Variants in DUSP10 observed in about 807,000 individuals in gnomAD.
DUSP10 encodes dual specificity protein phosphatase 10.
DUSP10 carries 14 observed loss-of-function variants against 30.8 expected under a neutral mutation model. That is an observed-to-expected ratio of 0.46 (90% CI 0.30 to 0.71). DUSP10 has a LOEUF of 0.71. DUSP10 is among the 30% of genes least tolerant of loss of function. The pLI, the probability that DUSP10 is intolerant of heterozygous loss-of-function variation, is 0.08. For missense variants in DUSP10, 550 were observed against 619.4 expected, an observed-to-expected ratio of 0.89 and a Z score of 1.19; for synonymous variants, 254 against 250.4, an observed-to-expected ratio of 1.01 and a Z score of -0.14.
chr1:221,725,871 A>C (rs1028774221), intron 2 of DUSP10, among the ~76,000 whole-genome samples: 3 of 152,192 alleles, frequency 2.0e-5, no homozygotes, highest in African/African-American at 7.2e-5. Context: ...CTACAGTGTA[A>C]AACTGGGAGT....
chr1:221,713,373 GTTCT>G (rs1241818600), intron 2 of DUSP10, among the ~76,000 whole-genome samples: 2 of 151,922 alleles, frequency 1.3e-5, no homozygotes, highest in African/African-American at 2.4e-5. Context: ...ATTATATTTA[GTTCT>G]TTATGTCTAC....
chr1:221,735,004 G>A (rs1377539930), intron 2 of DUSP10, among the ~76,000 whole-genome samples: 1 of 144,262 alleles, frequency 6.9e-6, no homozygotes, highest in Non-Finnish European at 1.5e-5. Context: ...GAACTCTATT[G>A]CCAATAAGAG....
intron 3 of DUSP10, 112 bp downstream of exon 3, chr1:221,705,983 C>T: frequency 6.8e-7 from 1 of 1,460,052 alleles, no homozygotes; most frequent in East Asian, 2.3e-5. Flanking sequence ...TCCAAAACTC[C>T]AGGGCAGCTT....
chr1:221,723,244 T>C (rs1269902887), intron 2 of DUSP10, among the ~76,000 whole-genome samples: 1 of 152,170 alleles, frequency 6.6e-6, no homozygotes, highest in Non-Finnish European at 1.5e-5. Context: ...ATCCTAGTGG[T>C]CAAAAGCAGT....
intron 2 of DUSP10, among the ~76,000 whole-genome samples, chr1:221,713,582 C>G (rs900427576): frequency 7.0e-6 from 1 of 143,084 alleles, no homozygotes; most frequent in African/African-American, 2.6e-5. Flanking sequence ...CAGTTTTTCT[C>G]AGAGTCATTC....
intron 2 of DUSP10, among the ~76,000 whole-genome samples, chr1:221,728,019 G>T (rs1362511827): frequency 6.6e-6 from 1 of 152,174 alleles, no homozygotes; most frequent in Non-Finnish European, 1.5e-5. Context: ...GACCATAATT[G>T]CATGGCCATT....
At chr1:221,719,327 A>G (rs1190673794) in intron 2 of DUSP10, among the ~76,000 whole-genome samples, 2 of 152,224 alleles carry the variant, frequency 1.3e-5, no homozygotes, top group Non-Finnish European at 2.9e-5. Flanking sequence ...CAACTTGCAG[A>G]AAGAAAAGGC....
Position 221,739,740 on chromosome 1 carries a change from G to A in DUSP10, c.5C>T (p.Pro2Leu). The A allele has an allele frequency of 6.4e-7, 1 of 1,572,540 alleles. No homozygotes were observed. The highest frequency in any genetic ancestry group is 8.6e-7 in the Non-Finnish European group (1 of 1,158,356). Reference sequence around the variant, plus strand: ...TACCCTGTCGTCTAAAGGAGACGGAGGCATGAGGAGGCTGAAAACTGGCAA... The same window carrying A: ...TACCCTGTCGTCTAAAGGAGACGGAAGCATGAGGAGGCTGAAAACTGGCAA... Reference protein sequence around the residue: MPPSPLDDRVVV... With the variant: MLPSPLDDRVVV... The change falls in exon 2 of 4, where the codon CCT becomes CTT. Residue 2 changes from proline to leucine, a missense_variant. By Grantham distance (98) the Pro-to-Leu change is moderately conservative. Coordinates refer to ENST00000366899, the MANE Select transcript of DUSP10 (RefSeq NM_007207.6).
intron 1 of DUSP10, among the ~76,000 whole-genome samples, chr1:221,740,799 T>C (rs990481306): frequency 6.6e-6 from 1 of 152,162 alleles, no homozygotes; most frequent in Non-Finnish European, 1.5e-5. Context: ...GGACAGTGAA[T>C]TGTTGCCCAC....
intron 2 of DUSP10, among the ~76,000 whole-genome samples, chr1:221,726,569 A>T (rs1418564492): frequency 6.6e-6 from 1 of 152,220 alleles, no homozygotes; most frequent in Non-Finnish European, 1.5e-5. Context: ...GGGATTAGTA[A>T]TATTATGTTT....
chr1:221,715,640 T>A (rs1280758081), intron 2 of DUSP10, among the ~76,000 whole-genome samples: 1 of 152,268 alleles, frequency 6.6e-6, no homozygotes, highest in Non-Finnish European at 1.5e-5. Flanking sequence ...CCTGTTTCTT[T>A]AAATCTGTTA....
rs147602708 is a variant in DUSP10, at chr1:221,739,098, A to G, written c.647T>C (p.Ile216Thr). ...AGAGTCCTTGCCTTCCCTACAGGAAATCAAGTCTAGGACAGTGATCTTGCC... is the reference window on the plus strand; with the variant it reads ...AGAGTCCTTGCCTTCCCTACAGGAAGTCAAGTCTAGGACAGTGATCTTGCC... Reference protein sequence around the residue: ...QQGKITVLDLISCREGKDSFK... With the variant: ...QQGKITVLDLTSCREGKDSFK... Residue 216 changes from isoleucine to threonine, a missense_variant, in exon 2 of 4, where the codon ATT becomes ACT. Ile to Thr is a moderately conservative substitution (Grantham distance 89). Coordinates refer to ENST00000366899, the MANE Select transcript of DUSP10 (RefSeq NM_007207.6). The G allele has an allele frequency of 1.9e-6, 3 of 1,614,200 alleles. No homozygotes were observed. The highest frequency in any genetic ancestry group is 2.5e-6 in the Non-Finnish European group (3 of 1,180,034).
chr1:221,706,512 T>C lies in DUSP10; in HGVS notation c.812-46A>G. Reference sequence around the variant, plus strand: ...GTGAGTGTGACTGAGATTTCAGAGCTGGCAGAGAATGCCACCTCCCCATTA... The same window carrying C: ...GTGAGTGTGACTGAGATTTCAGAGCCGGCAGAGAATGCCACCTCCCCATTA... On this transcript the variant is annotated intron_variant, in intron 2 of 3. Coordinates refer to ENST00000366899, the MANE Select transcript of DUSP10 (RefSeq NM_007207.6). The surrounding 1 kb of genome is among the most constrained non-coding windows in gnomAD (Gnocchi z 4.6). 1.4e-6 allele frequency: 2 copies of C among 1,399,936 alleles called. No homozygotes were observed. Among genetic ancestry groups the C allele is most frequent in the Admixed American group, 2.6e-5 (1 of 38,130 alleles). The allele number at this position is 1,399,936 out of a possible 1,614,324, so 86.7% of individuals were successfully genotyped here. A position where few individuals can be genotyped will look rare whatever the true frequency, so the allele number is the denominator to read the frequency against.
At chr1:221,740,019 G>A (rs968759949) in intron 1 of DUSP10, among the ~76,000 whole-genome samples, 14 of 152,324 alleles carry the variant, frequency 9.2e-5, no homozygotes, top group African/African-American at 3.1e-4. Flanking sequence ...TGGATGTAAT[G>A]TTGTAAATGT....
chr1:221,702,537 G>A lies in DUSP10; in HGVS notation c.1324C>T (p.Arg442Ter). 6 of 1,614,150 alleles carry A rather than the reference G, an allele frequency of 3.7e-6. No individual in the cohort carries two copies. Among genetic ancestry groups the A allele is most frequent in the Non-Finnish European group, 5.1e-6 (6 of 1,180,032 alleles). Residue 442 changes from arginine to a stop codon, truncating the protein, a stop_gained, in exon 4 of 4, where the codon CGA becomes TGA. Coordinates refer to ENST00000366899, the MANE Select transcript of DUSP10 (RefSeq NM_007207.6). LOFTEE classifies it high-confidence loss of function. The surrounding 1 kb of genome is among the most constrained non-coding windows in gnomAD (Gnocchi z 4.5). ...TTAAGGTTTGGGGAGATAATTGGTC[G>A]TTTGCCTTTGACAAATTTATAAGCA... is the stretch of plus-strand genomic sequence containing the variant. ...TDAYKFVKGKRPIISPNLNFM... is the reference protein window; with the variant it reads ...TDAYKFVKGK
chr1:221,741,891 A>C (rs1661965139), intron 1 of DUSP10, 90 bp downstream of exon 1: 1 of 152,260 alleles, frequency 6.6e-6, no homozygotes, highest in Non-Finnish European at 1.5e-5. Context: ...ACACACAAAC[A>C]CACACACTCA....
intron 2 of DUSP10, among the ~76,000 whole-genome samples, chr1:221,718,427 T>C (rs1661181457): frequency 6.6e-6 from 1 of 152,104 alleles, no homozygotes; most frequent in South Asian, 2.1e-4. Context: ...TCAAACTTAA[T>C]ACTGGTTAAT....
chr1:221,722,725 C>A (rs557618161), intron 2 of DUSP10, among the ~76,000 whole-genome samples: 1 of 152,326 alleles, frequency 6.6e-6, no homozygotes, highest in African/African-American at 2.4e-5. Context: ...TTTCTAGGAG[C>A]TGGTGACCTA....
chr1:221,729,242 G>T (rs979603231), intron 2 of DUSP10, among the ~76,000 whole-genome samples: 9 of 152,208 alleles, frequency 5.9e-5, no homozygotes, highest in Non-Finnish European at 7.3e-5. Flanking sequence ...TTGAGGCAAG[G>T]TTACTGGGAA....
Sources: gnomAD v4.1 joint callset for allele counts (sites outside exome capture counted in the v4.1 genomes callset) on GRCh38, gnomAD v4.1.1 for gene constraint, Gnocchi (gnomAD v3.1) non-coding constraint, MANE v1.5 for transcripts, NCBI Gene and HGNC (gene_info 2026-07-23, HGNC 2026-07-21) for gene names.